Variants in CPLX3 observed in about 807,000 individuals in gnomAD.
CPLX3 encodes the protein complexin-3.
In CPLX3, 12 loss-of-function variants were observed where a neutral mutation model predicts 17.2. The ratio of observed to expected loss-of-function variants is 0.70; its 90% CI spans 0.45 to 1.13. CPLX3 has a LOEUF of 1.13. CPLX3 is among the 50% of genes most tolerant of loss of function. The probability of loss-of-function intolerance (pLI) is 0.00; values close to 1 mark genes in which losing one functional copy is unlikely to be tolerated. For synonymous variants in CPLX3, 75 were observed against 79.4 expected, an observed-to-expected ratio of 0.94 and a Z score of 0.29; for missense variants, 172 against 203.2, an observed-to-expected ratio of 0.85 and a Z score of 0.93.
intron 1 of CPLX3, among the ~76,000 whole-genome samples, 172 bp from the exon 2 acceptor site, chr15:74,827,862 G>A (rs1357532938): frequency 6.6e-6 from 1 of 152,226 alleles, no homozygotes; most frequent in Non-Finnish European, 1.5e-5. Context: ...AAAGGGCACT[G>A]TGATGGGCAG....
intron 1 of CPLX3, among the ~76,000 whole-genome samples, chr15:74,827,447 G>C (rs1190908659): frequency 6.6e-6 from 1 of 152,238 alleles, no homozygotes; most frequent in Non-Finnish European, 1.5e-5. Context: ...TCCTTTTCTG[G>C]AAAGTGGGGA....
In CPLX3 at chr15:74,830,938, C is replaced by A. The variant is rs2063966585; in HGVS notation, c.*584C>A. ...AAAATGGGAATGTCCTGAATGACTT[C>A]TAAGGCTCTTTCTGGCTTGAACTGT... is the stretch of plus-strand genomic sequence containing the variant. On this transcript the variant is annotated 3_prime_UTR_variant, in exon 3 of 3. Coordinates refer to ENST00000395018, the MANE Select transcript of CPLX3 (RefSeq NM_001030005.3). 1 of 152,882 alleles carries A rather than the reference C, an allele frequency of 6.5e-6. No homozygotes were observed. 9.5% of individuals were successfully genotyped at this position (152,882 alleles called of 1,614,324 possible). A position where few individuals can be genotyped will look rare whatever the true frequency, so the allele number is the denominator to read the frequency against.
chr15:74,829,342 C>T (rs917085806), intron 2 of CPLX3, among the ~76,000 whole-genome samples: 9 of 152,204 alleles, frequency 5.9e-5, no homozygotes, highest in South Asian at 2.1e-4. Context: ...CAATGGTCAT[C>T]GTAGGTGCCA....
At position 74,826,802 on chromosome 15, in the gene CPLX3, A is replaced by G; in HGVS notation, c.99A>G (p.Ala33=). ...GEDKGDGDKS[A]AEAQGMSREE... ...ATAAGGGAGATGGGGACAAGTCGGC[A>G]GCCGAAGCTCAGGGCATGAGCCGGG... Residue 33 remains alanine (A), a synonymous_variant, in exon 1 of 3, where the codon GCA becomes GCG. Transcript: ENST00000395018. The surrounding 1 kb of genome is among the most constrained non-coding windows in gnomAD (Gnocchi z 5.0). 6.2e-7 allele frequency: 1 copy of G among 1,604,260 alleles called. No individual in the cohort carries two copies. Among genetic ancestry groups the G allele is most frequent in the African/African-American group, 1.4e-5 (1 of 73,890 alleles).
chr15:74,827,207 T>A (rs2063947729), intron 1 of CPLX3, among the ~76,000 whole-genome samples: 1 of 152,170 alleles, frequency 6.6e-6, no homozygotes, highest in African/African-American at 2.4e-5. Flanking sequence ...GTCTTCCAAC[T>A]GGGGCTCCTC....
intron 2 of CPLX3, among the ~76,000 whole-genome samples, chr15:74,829,069 C>T (rs1469138884): frequency 6.6e-6 from 1 of 152,314 alleles, no homozygotes; most frequent in Non-Finnish European, 1.5e-5. Context: ...CACATTCACT[C>T]ATTCAACAAA....
intron 2 of CPLX3, 117 bp from the exon 3 acceptor site, chr15:74,830,013 A>AG (rs2063961260): frequency 5.5e-6 from 4 of 724,982 alleles, no homozygotes; most frequent in Non-Finnish European, 6.8e-6. Flanking sequence ...AAAAAAAAAA[A>AG]GAAAAAATAG....
In CPLX3 at chr15:74,830,417, CAGGG is replaced by C; in HGVS notation, c.*65_*68del. ...TGAGGGCTAAGAGTGTGTCAACTTC[CAGGG>C]ACCCATACTCCATTTGGGGCTTTGT... is the stretch of plus-strand genomic sequence containing the variant. On this transcript the variant is annotated 3_prime_UTR_variant, in exon 3 of 3. Coordinates refer to ENST00000395018, the MANE Select transcript of CPLX3 (RefSeq NM_001030005.3). The C allele has an allele frequency of 7.3e-7, 1 of 1,361,754 alleles. No individual in the cohort carries two copies. Among genetic ancestry groups the C allele is most frequent in the Non-Finnish European group, 1.0e-6 (1 of 975,998 alleles). 84.4% of individuals were successfully genotyped at this position (1,361,754 alleles called of 1,614,324 possible). A position where few individuals can be genotyped will look rare whatever the true frequency, so the allele number is the denominator to read the frequency against.
rs1315282128 is a variant in CPLX3 at position 74,826,863 on chromosome 15, G to A, written c.160G>A (p.Glu54Lys). Residue 54 changes from glutamate to lysine, a missense_variant, in exon 1 of 3, where the codon GAG becomes AAG. Transcript: ENST00000395018. This position sits in a 1 kb window ranked among gnomAD's most constrained non-coding sequence, Gnocchi z 5.0. ...YEEYQKQLVEEKMERDAQFTQ... is the reference protein window; with the variant it reads ...YEEYQKQLVEKKMERDAQFTQ... ...GGAGTATCAGAAGCAACTCGTGGAA[G>A]AGAAGTGAGTGGGATCCCTTCCTGG... 1 of 1,597,676 alleles carries A rather than the reference G, an allele frequency of 6.3e-7. No homozygotes were observed. The highest frequency in any genetic ancestry group is 1.4e-5 in the African/African-American group (1 of 73,272).
chr15:74,830,459 A>T lies in CPLX3; in HGVS notation c.*105A>T. ...TTTGGGGCTTTGTTTCCCTTGCCCC[A>T]TCCTAGTTCCAAGACCTTTCCCATC... On this transcript the variant is annotated 3_prime_UTR_variant, in exon 3 of 3. Transcript: ENST00000395018. 1.1e-6 allele frequency: 1 copy of T among 944,936 alleles called. No homozygotes were observed. The highest frequency in any genetic ancestry group is 1.6e-6 in the Non-Finnish European group (1 of 622,362). 58.5% of individuals were successfully genotyped at this position (944,936 alleles called of 1,614,324 possible).
chr15:74,826,974 T>C lies in CPLX3; in HGVS notation c.164+107T>C, dbSNP rs80147355. ...GGTCCCAATCCCTTCTCCCCTACTT[T>C]CCTAGACACGGTAAGAGACCGGGAG... On this transcript the variant is annotated intron_variant, in intron 1 of 2. Transcript: ENST00000395018. This position sits in a 1 kb window ranked among gnomAD's most constrained non-coding sequence, Gnocchi z 5.0. 4.2e-3 allele frequency: 4,371 copies of C among 1,031,206 alleles called. 136 individuals are homozygous for C. In the African/African-American group the frequency reaches 0.065, roughly 15 times the overall value. The allele number at this position is 1,031,206 out of a possible 1,614,324, so 63.9% of individuals were successfully genotyped here.
intron 1 of CPLX3, among the ~76,000 whole-genome samples, 167 bp downstream of exon 1, chr15:74,827,034 T>G (rs2063946715): frequency 6.6e-6 from 1 of 151,878 alleles, no homozygotes; most frequent in Admixed American, 6.6e-5. Context: ...CCATCCTATC[T>G]GACACCCAAA....
Position 74,826,731 on chromosome 15 carries a change from G to A in CPLX3, c.28G>A (p.Gly10Ser), listed in dbSNP as rs767463836. The A allele has an allele frequency of 1.2e-6, 2 of 1,611,352 alleles. No homozygotes were observed. Among genetic ancestry groups the A allele is most frequent in the South Asian group, 1.1e-5 (1 of 91,006 alleles). ...GGCGTTCATGGTGAAGACCATGGTG[G>A]GCGGCCAGCTGAAGAACCTCACTGG... MAFMVKTMV[G>S]GQLKNLTGSL... The change falls in exon 1 of 3, where the codon GGC becomes AGC. Residue 10 changes from glycine (G) to serine (S), a missense_variant. Gly to Ser is a moderately conservative substitution (Grantham distance 56). Transcript: ENST00000395018. This position sits in a 1 kb window ranked among gnomAD's most constrained non-coding sequence, Gnocchi z 5.0.
chr15:74,830,100 C>T lies in CPLX3; in HGVS notation c.253-30C>T, dbSNP rs375784018. The T allele has an allele frequency of 2.5e-6, 4 of 1,585,936 alleles. No individual in the cohort carries two copies. The African/African-American group carries it at 4.0e-5, about 16-fold the overall frequency. ...TGGGTCCTCACAGACTTCCACTCCA[C>T]CCCACCCCCTCTTCCCCTCTTCCCT... On this transcript the variant is annotated intron_variant, in intron 2 of 2. Coordinates refer to ENST00000395018, the MANE Select transcript of CPLX3 (RefSeq NM_001030005.3).
At chr15:74,828,167 G>A in intron 2 of CPLX3, 46 bp downstream of exon 2, 2 of 1,501,118 alleles carry the variant, frequency 1.3e-6, no homozygotes, top group African/African-American at 1.4e-5. Context: ...CCTGAGCTCT[G>A]GGTTCTGGAC....
chr15:74,828,728 A>G (rs2063954774), intron 2 of CPLX3, among the ~76,000 whole-genome samples: 1 of 152,194 alleles, frequency 6.6e-6, no homozygotes, highest in Middle Eastern at 3.2e-3. Context: ...GCCGGTGAAT[A>G]TGAGCCTGCC....
Position 74,826,872 on chromosome 15 carries a change from G to A in CPLX3, c.164+5G>A, listed in dbSNP as rs753842512. 6.3e-7 allele frequency: 1 copy of A among 1,595,144 alleles called. No individual in the cohort carries two copies. Among genetic ancestry groups the A allele is most frequent in the Admixed American group, 1.7e-5 (1 of 58,362 alleles). ...GAAGCAACTCGTGGAAGAGAAGTGA[G>A]TGGGATCCCTTCCTGGCTCCAACGA... On this transcript the variant is annotated splice_donor_5th_base_variant and intron_variant, in intron 1 of 2. Coordinates refer to ENST00000395018, the MANE Select transcript of CPLX3 (RefSeq NM_001030005.3). This position sits in a 1 kb window ranked among gnomAD's most constrained non-coding sequence, Gnocchi z 5.0.
In CPLX3 at chr15:74,830,365, G is replaced by A. The variant is rs368430383; in HGVS notation, c.*11G>A. On this transcript the variant is annotated 3_prime_UTR_variant, in exon 3 of 3. Coordinates refer to ENST00000395018, the MANE Select transcript of CPLX3 (RefSeq NM_001030005.3). ...TGTCACGTCATGTGACCACTTCCCC[G>A]GGGTTACCCACTGGGCTGGGCCCCC... is the stretch of plus-strand genomic sequence containing the variant. 61 of 1,606,746 alleles carry A rather than the reference G, an allele frequency of 3.8e-5. No homozygotes were observed. Among genetic ancestry groups the A allele is most frequent in the African/African-American group, 8.0e-5 (6 of 74,742 alleles).
At position 74,826,690 on chromosome 15, in the gene CPLX3, G is replaced by T. The variant is rs764014386; in HGVS notation, c.-14G>T. ...CGTGGTAGCAGGCGCCCGGTGCCCC[G>T]GCCGGCGAAGACCATGGCGTTCATG... On this transcript the variant is annotated 5_prime_UTR_variant, in exon 1 of 3. Coordinates refer to ENST00000395018, the MANE Select transcript of CPLX3 (RefSeq NM_001030005.3). This position sits in a 1 kb window ranked among gnomAD's most constrained non-coding sequence, Gnocchi z 5.0. 3 of 1,598,602 alleles carry T rather than the reference G, an allele frequency of 1.9e-6. 1 individual carries two copies. In the South Asian group the frequency reaches 3.3e-5, roughly 18 times the overall value.
Sources: allele counts gnomAD v4.1 joint callset (sites outside exome capture counted in the v4.1 genomes callset), GRCh38; gene constraint gnomAD v4.1.1; non-coding constraint Gnocchi (gnomAD v3.1); transcripts MANE v1.5; gene names NCBI Gene and HGNC (gene_info 2026-07-23, HGNC 2026-07-21).